Variants in COL12A1 observed in about 807,000 individuals in gnomAD.
COL12A1 encodes the protein collagen type XII alpha 1 chain, also known as collagen alpha-1(XII) chain.
A neutral mutation model predicts 349.7 loss-of-function variants in COL12A1; 114 were observed. The ratio of observed to expected loss-of-function variants is 0.33; its 90% CI spans 0.28 to 0.38. The LOEUF is 0.38. COL12A1 is among the 10% of genes least tolerant of loss of function. The pLI, the probability that COL12A1 is intolerant of heterozygous loss-of-function variation, is 1.00. For missense variants in COL12A1, 3,284 were observed against 3,756.9 expected, an observed-to-expected ratio of 0.87 and a Z score of 3.29; for synonymous variants, 1,369 against 1,329.0, an observed-to-expected ratio of 1.03 and a Z score of -0.66.
chr6:75,152,220 G>A lies in COL12A1; in HGVS notation c.3746C>T (p.Thr1249Ile). Residue 1249 changes from threonine to isoleucine, a missense_variant, in exon 19 of 66, where the codon ACA (threonine) becomes ATA (isoleucine). Physicochemically the swap from Thr to Ile is moderately conservative, Grantham distance 89. Transcript: ENST00000322507. The part of the protein sequence containing the change: ...ALAQYSGDPR[T>I]EWQLNAHRDK... ...TCTGTGTGCATTTAACTGCCACTCT[G>A]TTCTGGGATCCCCACTATACTGAGC... is the stretch of plus-strand genomic sequence containing the variant. 1 of 1,613,748 alleles carries A rather than the reference G, an allele frequency of 6.2e-7. No homozygotes were observed. The highest frequency in any genetic ancestry group is 8.5e-7 in the Non-Finnish European group (1 of 1,179,798).
In COL12A1 at chr6:75,167,276, T is replaced by C. The variant is rs373858644; in HGVS notation, c.2711-1497A>G. Among the ~76,000 whole-genome samples, 14 of 152,286 alleles carry C rather than the reference T, an allele frequency of 9.2e-5. No individual in the cohort carries two copies. The East Asian group carries it at 1.7e-3, about 19-fold the overall frequency. ...TTTTGATAATCGATATCCCAACAACTAGTCTCTAAGTTTTAAATGTACAGC... is the reference window on the plus strand; with the variant it reads ...TTTTGATAATCGATATCCCAACAACCAGTCTCTAAGTTTTAAATGTACAGC... On this transcript the variant is annotated intron_variant, in intron 13 of 65. Coordinates refer to ENST00000322507, the MANE Select transcript of COL12A1 (RefSeq NM_004370.6).
At chr6:75,096,493 C>T (rs1289852993) in intron 59 of COL12A1, among the ~76,000 whole-genome samples, 1 of 152,178 alleles carries the variant, frequency 6.6e-6, no homozygotes, top group East Asian at 1.9e-4. Context: ...CAATATCTTA[C>T]GTTGAAGACC....
chr6:75,124,206 T>A (rs758534001), intron 41 of COL12A1, 49 bp downstream of exon 41: 89 of 1,594,690 alleles, frequency 5.6e-5, no homozygotes, highest in Non-Finnish European at 6.7e-5. Context: ...AAATTTAAAA[T>A]GTTTCCACTA....
At position 75,175,024 on chromosome 6, in the gene COL12A1, A is replaced by C; in HGVS notation, c.2710+14T>G. ...ACAAGTTCCTGGATTTTCAGAAAAT[A>C]TGATGGTAATTACCTTCAAGTGTTG... On this transcript the variant is annotated intron_variant, in intron 13 of 65. Transcript: ENST00000322507. 1 of 1,612,042 alleles carries C rather than the reference A, an allele frequency of 6.2e-7. No homozygotes were observed.
Position 75,151,922 on chromosome 6 carries a change from A to G in COL12A1, c.3945T>C (p.Asp1315=), listed in dbSNP as rs750291030. 6.2e-7 allele frequency: 1 copy of G among 1,613,836 alleles called. No homozygotes were observed. Among genetic ancestry groups the G allele is most frequent in the Non-Finnish European group, 8.5e-7 (1 of 1,179,822 alleles). Residue 1315 remains aspartate (D), a synonymous_variant, in exon 20 of 66, where the codon GAT becomes GAC. Coordinates refer to ENST00000322507, the MANE Select transcript of COL12A1 (RefSeq NM_004370.6). ...TGAGTTTCTTTGAAGGTGCTTCAAC[A>G]TCGTCTTGTGATTTTCCATCAGTAA... The part of the protein sequence containing the change: ...VLITDGKSQD[D]VEAPSKKLKD...
chr6:75,176,166 G>A lies in COL12A1; in HGVS notation c.2438-856C>T, dbSNP rs561788279. Among the ~76,000 whole-genome samples, 5 of 152,284 alleles carry A rather than the reference G, an allele frequency of 3.3e-5. No individual in the cohort carries two copies. In the East Asian group the frequency reaches 5.8e-4, roughly 18 times the overall value. ...AAGAGAAAGCCTCCATAGCAGAACA[G>A]GCTAATGAGCTAGGTTGCAGGGGGA... On this transcript the variant is annotated intron_variant, in intron 12 of 65. Coordinates refer to ENST00000322507, the MANE Select transcript of COL12A1 (RefSeq NM_004370.6).
intron 26 of COL12A1, 35 bp from the exon 27 acceptor site, chr6:75,142,196 C>T (rs749806520): frequency 6.2e-7 from 1 of 1,613,000 alleles, no homozygotes; most frequent in Non-Finnish European, 8.5e-7. Flanking sequence ...ACTACTTTTA[C>T]AAAGGGTTTA....
intron 17 of COL12A1, among the ~76,000 whole-genome samples, chr6:75,153,268 G>GT (rs1246169575): frequency 3.3e-5 from 5 of 152,074 alleles, no homozygotes; most frequent in Non-Finnish European, 7.4e-5. Context: ...ATTGAGAGCT[G>GT]TAAAGATAAG....
chr6:75,180,563 T>A (rs1037487151), intron 11 of COL12A1, among the ~76,000 whole-genome samples: 3 of 148,368 alleles, frequency 2.0e-5, no homozygotes, highest in African/African-American at 7.9e-5. Flanking sequence ...ACTTATTACC[T>A]ATATATACAT....
rs998803190 is a variant in COL12A1, at chr6:75,200,522, G to A, written c.73+2198C>T. On this transcript the variant is annotated intron_variant, in intron 2 of 65. Transcript: ENST00000322507. ...CAGGAGGCGGAGGCTGCAGTGAGCC[G>A]AGATCAAGCCACTACACTCCAGCCT... is the stretch of plus-strand genomic sequence containing the variant. Among the ~76,000 whole-genome samples the A allele has an allele frequency of 5.9e-5, 9 of 152,098 alleles. No individual in the cohort carries two copies. The South Asian group carries it at 1.2e-3, about 21-fold the overall frequency.
Position 75,085,460 on chromosome 6 carries a change from C to A in COL12A1, c.*1087G>T, listed in dbSNP as rs896233291. The A allele has an allele frequency of 2.4e-6, 1 of 418,538 alleles. No individual in the cohort carries two copies. The highest frequency in any genetic ancestry group is 1.8e-5 in the South Asian group (1 of 56,916). The allele number at this position is 418,538 out of a possible 1,614,324, so 25.9% of individuals were successfully genotyped here. A position where few individuals can be genotyped will look rare whatever the true frequency, so the allele number is the denominator to read the frequency against. On this transcript the variant is annotated 3_prime_UTR_variant, in exon 66 of 66. Transcript: ENST00000322507. ...AATCATCACCCGCGGTGATGGCACT[C>A]CAGTCTTAATCTCATAACTATAAAT...
intron 2 of COL12A1, among the ~76,000 whole-genome samples, chr6:75,202,208 G>T (rs2149491933): frequency 6.6e-6 from 1 of 152,330 alleles, no homozygotes; most frequent in East Asian, 1.9e-4. Flanking sequence ...CGTCCGCCCC[G>T]CCGACTGAGC....
At chr6:75,124,534 G>T (rs916077393) in intron 40 of COL12A1, among the ~76,000 whole-genome samples, 163 bp from the exon 41 acceptor site, 7 of 151,978 alleles carry the variant, frequency 4.6e-5, no homozygotes, top group Non-Finnish European at 2.9e-5. Context: ...TAAAAATGTG[G>T]TACTGCCAAA....
intron 3 of COL12A1, among the ~76,000 whole-genome samples, chr6:75,194,048 G>T (rs1199526327): frequency 6.6e-6 from 1 of 152,140 alleles, no homozygotes; most frequent in Non-Finnish European, 1.5e-5. Flanking sequence ...ACGTGTGCAT[G>T]TGTCTTTATA....
At chr6:75,176,339 G>T (rs1768948034) in intron 12 of COL12A1, among the ~76,000 whole-genome samples, 1 of 149,494 alleles carries the variant, frequency 6.7e-6, no homozygotes, top group Non-Finnish European at 1.5e-5. Flanking sequence ...GGAGAGTGAT[G>T]CAGTGGGAGG....
chr6:75,138,391 A>G, intron 29 of COL12A1, 51 bp from the exon 30 acceptor site: 1 of 1,607,596 alleles, frequency 6.2e-7, no homozygotes, highest in Non-Finnish European at 8.5e-7. Context: ...CTGTAGCCCT[A>G]TTTTTTAAAA....
intron 37 of COL12A1, among the ~76,000 whole-genome samples, chr6:75,129,503 G>A (rs1035975999): frequency 5.3e-5 from 8 of 152,200 alleles, no homozygotes; most frequent in African/African-American, 1.9e-4. Flanking sequence ...ACAAATGGAT[G>A]TGCATAGTGA....
chr6:75,104,988 G>A (rs1470612422), intron 54 of COL12A1, among the ~76,000 whole-genome samples: 3 of 152,048 alleles, frequency 2.0e-5, no homozygotes, highest in African/African-American at 7.2e-5. Flanking sequence ...ATTCTTGCAC[G>A]GCTGAAGAAA....
chr6:75,091,290 CA>C (rs746952026), intron 62 of COL12A1, 32 bp downstream of exon 62: 1 of 1,574,168 alleles, frequency 6.4e-7, no homozygotes, highest in Admixed American at 1.7e-5. Flanking sequence ...AATTTTAAAA[CA>C]ATTCATACAG....
Sources: gnomAD v4.1 joint callset for allele counts (sites outside exome capture counted in the v4.1 genomes callset) on GRCh38, gnomAD v4.1.1 for gene constraint, MANE v1.5 for transcripts, NCBI Gene and HGNC (gene_info 2026-07-23, HGNC 2026-07-21) for gene names.